The following RELN variants were observed in gnomAD, a reference collection of about 807,000 sequenced individuals.
The protein encoded by RELN is reelin.
A neutral mutation model predicts 427.6 loss-of-function variants in RELN; 108 were observed. That is an observed-to-expected ratio of 0.25 (90% CI 0.22 to 0.30). RELN has a LOEUF of 0.30. Among genes scored for constraint, RELN ranks in the 10% least tolerant of loss-of-function variants. RELN has a pLI of 1.00. For missense variants in RELN, 3,715 were observed against 4,302.8 expected (o/e 0.86, Z 3.82); for synonymous variants, 1,524 against 1,513.4 (o/e 1.01, Z -0.16).
At chr7:103,515,147 T>A (rs1829528879) in intron 50 of RELN, 38 bp downstream of exon 50, 1 of 1,613,886 alleles carries the variant, frequency 6.2e-7, no homozygotes. Context: ...CCACTGCATT[T>A]CCACTGGGCT....
At chr7:103,975,531 T>TTATC (rs1230793017) in intron 1 of RELN, among the ~76,000 whole-genome samples, 15 of 146,438 alleles carry the variant, frequency 1.0e-4, no homozygotes, top group Middle Eastern at 3.5e-3. Flanking sequence ...ATTTATTTAT[T>TTATC]TATTTATTTA....
intron 2 of RELN, among the ~76,000 whole-genome samples, chr7:103,851,272 G>A (rs1369499397): frequency 6.6e-6 from 1 of 152,142 alleles, no homozygotes; most frequent in African/African-American, 2.4e-5. Flanking sequence ...ACTGATATGC[G>A]GGAGCTAAGC....
intron 4 of RELN, among the ~76,000 whole-genome samples, chr7:103,773,146 TTCTTTCTTTCTTTCTTTC>T (rs1432409631): frequency 4.3e-5 from 6 of 139,488 alleles, no homozygotes; most frequent in Admixed American, 1.4e-4. Context: ...CTTTCTTTCT[TTCTTTCTTTCTTTCTTTC>T]TTTTTCTTTC....
At chr7:103,488,711 T>G (rs1351980501) in intron 60 of RELN, among the ~76,000 whole-genome samples, 1 of 152,234 alleles carries the variant, frequency 6.6e-6, no homozygotes, top group Non-Finnish European at 1.5e-5. Context: ...CAAGGCTGAT[T>G]GGAAAGAACA....
chr7:103,890,427 G>C (rs1794821788), intron 2 of RELN, among the ~76,000 whole-genome samples: 1 of 152,096 alleles, frequency 6.6e-6, no homozygotes, highest in South Asian at 2.1e-4. Flanking sequence ...TCTGCCTCCT[G>C]TCAGATCAGC....
chr7:103,520,273 T>C (rs948520451), intron 48 of RELN, among the ~76,000 whole-genome samples: 1 of 152,154 alleles, frequency 6.6e-6, no homozygotes, highest in Non-Finnish European at 1.5e-5. Context: ...CATATTGAGA[T>C]GACCATTTTA....
chr7:103,559,502 T>G (rs143932296), intron 36 of RELN, among the ~76,000 whole-genome samples: 1 of 152,222 alleles, frequency 6.6e-6, no homozygotes, highest in Non-Finnish European at 1.5e-5. Context: ...ACCTAACCCA[T>G]GCATCTTCTT....
At chr7:103,800,612 A>G (rs1205401467) in intron 3 of RELN, among the ~76,000 whole-genome samples, 1 of 152,196 alleles carries the variant, frequency 6.6e-6, no homozygotes, top group Non-Finnish European at 1.5e-5. Flanking sequence ...TGTAAGACCT[A>G]AAACCATAAA....
At chr7:103,716,079 T>C (rs1167141762) in intron 8 of RELN, among the ~76,000 whole-genome samples, 3 of 152,210 alleles carry the variant, frequency 2.0e-5, no homozygotes, top group Non-Finnish European at 2.9e-5. Flanking sequence ...CCCCAGTTCT[T>C]AGCAGGGCTC....
intron 25 of RELN, 43 bp from the exon 26 acceptor site, chr7:103,594,535 G>C: frequency 6.4e-7 from 1 of 1,556,250 alleles, no homozygotes; most frequent in Non-Finnish European, 8.8e-7. Context: ...AACAAAAGCT[G>C]TGCTTTTTTT....
At chr7:103,688,922 T>C (rs1029778771) in intron 10 of RELN, among the ~76,000 whole-genome samples, 2 of 152,148 alleles carry the variant, frequency 1.3e-5, no homozygotes, top group Non-Finnish European at 2.9e-5. Context: ...AAAAATTGTC[T>C]TTATTATTGG....
chr7:103,524,370 G>C (rs1364201151), intron 46 of RELN, among the ~76,000 whole-genome samples: 1 of 152,010 alleles, frequency 6.6e-6, no homozygotes, highest in African/African-American at 2.4e-5. Flanking sequence ...AATGAGACCA[G>C]ACTTATTTTA....
In RELN at chr7:103,471,948, AG is replaced by A. The variant is rs1178098837; in HGVS notation, c.*863del. On this transcript the variant is annotated 3_prime_UTR_variant, in exon 65 of 65. Transcript: ENST00000428762. ...ATCAGAAGGTATGAATATGACCCGC[AG>A]AAAAAACAATCCACGAAGAAAACAC... 3 of 152,630 alleles carry A rather than the reference AG, an allele frequency of 2.0e-5. No individual in the cohort carries two copies. The highest frequency in any genetic ancestry group is 7.2e-5 in the African/African-American group (3 of 41,458). The allele number at this position is 152,630 out of a possible 1,614,324, so 9.5% of individuals were successfully genotyped here.
At chr7:103,567,804 T>A (rs2117192150) in intron 31 of RELN, among the ~76,000 whole-genome samples, 1 of 150,124 alleles carries the variant, frequency 6.7e-6, no homozygotes, top group African/African-American at 2.4e-5. Flanking sequence ...TATATATATA[T>A]ATTTTAATTG....
chr7:103,700,400 A>G (rs1467702831), intron 9 of RELN, among the ~76,000 whole-genome samples: 3 of 152,126 alleles, frequency 2.0e-5, no homozygotes, highest in Non-Finnish European at 2.9e-5. Flanking sequence ...GTAATATGTA[A>G]TTACAAGTCG....
chr7:103,619,632 C>T (rs1431818771), intron 20 of RELN, among the ~76,000 whole-genome samples: 1 of 152,120 alleles, frequency 6.6e-6, no homozygotes, highest in Non-Finnish European at 1.5e-5. Flanking sequence ...TTAGAAAATG[C>T]GCGTCAGCTG....
rs1301008658 is a variant in RELN at position 103,569,174 on chromosome 7, A to C, written c.4589-2415T>G. ...GGGGAAAGCCAGCCTACATTTAGTA[A>C]GGACATTCAAGCAGCCTATGGACAG... On this transcript the variant is annotated intron_variant, in intron 31 of 64. Transcript: ENST00000428762. The surrounding 1 kb of genome is among the most constrained non-coding windows in gnomAD (Gnocchi z 4.0). 6.6e-6 allele frequency among the ~76,000 whole-genome samples: 1 copy of C among 152,258 alleles called. No homozygotes were observed. The highest frequency in any genetic ancestry group is 1.5e-5 in the Non-Finnish European group (1 of 68,050).
intron 63 of RELN, 60 bp downstream of exon 63, chr7:103,482,813 A>T: frequency 6.2e-7 from 1 of 1,613,328 alleles, no homozygotes; most frequent in Non-Finnish European, 8.5e-7. Flanking sequence ...GTCATGCTAT[A>T]TCAAAGGAAT....
intron 8 of RELN, among the ~76,000 whole-genome samples, chr7:103,707,077 G>A (rs1584423114): frequency 6.6e-6 from 1 of 152,086 alleles, no homozygotes; most frequent in African/African-American, 2.4e-5. Flanking sequence ...GGGCTCAAGA[G>A]ATCCTCTCAC....
Sources: allele counts gnomAD v4.1 joint callset (sites outside exome capture counted in the v4.1 genomes callset), GRCh38; gene constraint gnomAD v4.1.1; non-coding constraint Gnocchi (gnomAD v3.1); transcripts MANE v1.5; gene names NCBI Gene and HGNC (gene_info 2026-07-23, HGNC 2026-07-21).